Variants in GABRG2 observed in about 807,000 individuals in gnomAD.
GABRG2 encodes gamma-aminobutyric acid type A receptor subunit gamma2.
GABRG2 carries 16 observed loss-of-function variants against 56.4 expected under a neutral mutation model. That is an observed-to-expected ratio of 0.28 (90% confidence interval 0.19 to 0.43). The LOEUF is 0.43. GABRG2 is among the 20% of genes least tolerant of loss of function. The probability of loss-of-function intolerance (pLI) is 1.00; values close to 1 mark genes in which losing one functional copy is unlikely to be tolerated. For missense variants in GABRG2, 327 were observed against 582.7 expected (o/e 0.56, Z 4.52); for synonymous variants, 208 against 205.5 (o/e 1.01, Z -0.10).
intron 1 of GABRG2, among the ~76,000 whole-genome samples, chr5:162,080,966 G>T (rs1169064362): frequency 1.3e-5 from 2 of 152,022 alleles, no homozygotes; most frequent in African/African-American, 2.4e-5. Context: ...CTAATAAATG[G>T]CAAAGACTAT....
intron 1 of GABRG2, among the ~76,000 whole-genome samples, chr5:162,079,023 T>C (rs932490769): frequency 1.3e-5 from 2 of 150,478 alleles, no homozygotes; most frequent in Non-Finnish European, 3.0e-5. Context: ...TATTATATAA[T>C]TAATAATTTA....
intron 4 of GABRG2, chr5:162,099,223 C>G (rs1283270034): frequency 6.6e-6 from 1 of 151,814 alleles, no homozygotes; most frequent in Non-Finnish European, 1.5e-5. Flanking sequence ...TTTATCATGG[C>G]TTTTGTAAAC....
chr5:162,110,732 G>T (rs1762194131), intron 6 of GABRG2, among the ~76,000 whole-genome samples: 1 of 152,082 alleles, frequency 6.6e-6, no homozygotes, highest in Non-Finnish European at 1.5e-5. Flanking sequence ...ACAGTCTCTT[G>T]TTACTCCTGA....
chr5:162,078,488 G>A (rs1019554852), intron 1 of GABRG2, among the ~76,000 whole-genome samples: 17 of 134,980 alleles, frequency 1.3e-4, no homozygotes, highest in African/African-American at 3.7e-4. Context: ...CTCACTGCAA[G>A]CTGCGCCTCC....
chr5:162,120,979 G>A (rs1762944066), intron 6 of GABRG2, among the ~76,000 whole-genome samples: 2 of 152,214 alleles, frequency 1.3e-5, no homozygotes, highest in South Asian at 2.1e-4. Flanking sequence ...TGTATCAAGG[G>A]ATATCAGGTT....
At chr5:162,103,096 A>G (rs1761553898) in intron 5 of GABRG2, 1 of 153,858 alleles carries the variant, frequency 6.5e-6, no homozygotes, top group Admixed American at 6.4e-5. Flanking sequence ...TTATCCATTC[A>G]ACAAATATAC....
intron 6 of GABRG2, among the ~76,000 whole-genome samples, chr5:162,137,989 G>A (rs1181426177): frequency 2.6e-5 from 4 of 151,484 alleles, no homozygotes; most frequent in Admixed American, 6.6e-5. Context: ...TGAACTCCTG[G>A]ACTCAAGCAA....
At chr5:162,070,258 A>G (rs1050730463) in intron 1 of GABRG2, among the ~76,000 whole-genome samples, 5 of 152,120 alleles carry the variant, frequency 3.3e-5, no homozygotes, top group African/African-American at 1.2e-4. Flanking sequence ...GGTAATTTTT[A>G]CATTCTCTCA....
chr5:162,146,346 C>T (rs1764947705), intron 7 of GABRG2, among the ~76,000 whole-genome samples: 1 of 152,018 alleles, frequency 6.6e-6, no homozygotes, highest in African/African-American at 2.4e-5. Flanking sequence ...CTCCAATGCT[C>T]ACTGTTTGTC....
chr5:162,075,762 T>C (rs1759049173), intron 1 of GABRG2, among the ~76,000 whole-genome samples: 1 of 151,652 alleles, frequency 6.6e-6, no homozygotes, highest in South Asian at 2.1e-4. Flanking sequence ...GAAAAAAAAA[T>C]AAAAGAAAAT....
intron 6 of GABRG2, among the ~76,000 whole-genome samples, chr5:162,113,989 G>A (rs1762435842): frequency 6.6e-6 from 1 of 152,106 alleles, no homozygotes; most frequent in Non-Finnish European, 1.5e-5. Context: ...TAAAGTCAGA[G>A]CTTCTGAATT....
intron 1 of GABRG2, among the ~76,000 whole-genome samples, chr5:162,082,268 A>G (rs192948212): frequency 1.3e-5 from 2 of 151,936 alleles, no homozygotes; most frequent in African/African-American, 4.8e-5. Context: ...ATGATAATAT[A>G]CTGCCAGAAA....
intron 7 of GABRG2, among the ~76,000 whole-genome samples, chr5:162,148,021 T>G: frequency 6.6e-6 from 1 of 152,172 alleles, no homozygotes; most frequent in East Asian, 1.9e-4. Context: ...CCTATTTGAA[T>G]ACTGAATCCA....
intron 9 of GABRG2, 169 bp downstream of exon 9, chr5:162,151,922 A>G (rs1347666715): frequency 1.7e-6 from 1 of 579,836 alleles, no homozygotes; most frequent in Non-Finnish European, 3.0e-6. Context: ...GCAACTATAC[A>G]CTAATTCACA....
chr5:162,113,629 A>G (rs1389390816), intron 6 of GABRG2, among the ~76,000 whole-genome samples: 1 of 152,212 alleles, frequency 6.6e-6, no homozygotes, highest in Non-Finnish European at 1.5e-5. Flanking sequence ...ATTAGTTTCC[A>G]AACATAATTT....
intron 1 of GABRG2, among the ~76,000 whole-genome samples, chr5:162,082,262 T>C (rs1759727032): frequency 6.6e-6 from 1 of 151,826 alleles, no homozygotes; most frequent in Non-Finnish European, 1.5e-5. Context: ...TAAGAGATGA[T>C]AATATACTGC....
chr5:162,118,479 A>G (rs1397948863), intron 6 of GABRG2, among the ~76,000 whole-genome samples: 2 of 151,854 alleles, frequency 1.3e-5, no homozygotes, highest in Non-Finnish European at 2.9e-5. Flanking sequence ...TCAAAGGAAA[A>G]CTCTGGGTAT....
chr5:162,087,628 GAGAT>G (rs953448030), intron 1 of GABRG2, among the ~76,000 whole-genome samples: 3 of 152,050 alleles, frequency 2.0e-5, no homozygotes, highest in Non-Finnish European at 4.4e-5. Context: ...ATAGAAGAGA[GAGAT>G]AGAAAAAATT....
chr5:162,142,646 A>G (rs942905076), intron 7 of GABRG2: 2 of 350,146 alleles, frequency 5.7e-6, no homozygotes, highest in Non-Finnish European at 1.1e-5. Context: ...AACTATCGCA[A>G]GGACAAAAAA....
Sources: gnomAD v4.1 joint callset for allele counts (sites outside exome capture counted in the v4.1 genomes callset) on GRCh38, gnomAD v4.1.1 for gene constraint, MANE v1.5 for transcripts, NCBI Gene and HGNC (gene_info 2026-07-23, HGNC 2026-07-21) for gene names.